FAM193A: variants seen among roughly 807,000 people sequenced by gnomAD.
FAM193A encodes the protein family with sequence similarity 193 member A, also known as protein FAM193A.
FAM193A carries 22 observed loss-of-function variants against 126.5 expected under a neutral mutation model. The ratio of observed to expected loss-of-function variants is 0.17; its 90% CI spans 0.12 to 0.25. The LOEUF (loss-of-function observed/expected upper bound fraction) is 0.25. FAM193A is among the 10% of genes least tolerant of loss of function. FAM193A has a pLI of 1.00. For synonymous variants in FAM193A, 761 were observed against 646.8 expected (o/e 1.18, Z -2.68); for missense variants, 1,675 against 1,672.8 (o/e 1.00, Z -0.02).
At chr4:2,662,088 CAG>C (rs1404046713) in intron 10 of FAM193A, among the ~76,000 whole-genome samples, 1 of 152,064 alleles carries the variant, frequency 6.6e-6, no homozygotes, top group African/African-American at 2.4e-5. Context: ...GAGGCTGAGG[CAG>C]GGGAATGGCG....
chr4:2,566,258 A>G (rs1413035355), intron 1 of FAM193A, among the ~76,000 whole-genome samples: 5 of 152,162 alleles, frequency 3.3e-5, no homozygotes, highest in Non-Finnish European at 1.5e-5. Context: ...CGTGTTAGCC[A>G]GCATGGTCTC....
intron 2 of FAM193A, among the ~76,000 whole-genome samples, chr4:2,620,184 A>C (rs759431127): frequency 8.5e-5 from 13 of 152,212 alleles, no homozygotes; most frequent in Non-Finnish European, 1.8e-4. Flanking sequence ...TGAGTGCTAT[A>C]ATGGGACACA....
intron 1 of FAM193A, among the ~76,000 whole-genome samples, chr4:2,543,780 C>T (rs1737375865): frequency 7.0e-6 from 1 of 143,508 alleles, no homozygotes; most frequent in Non-Finnish European, 1.5e-5. Context: ...ATCGCCTGAA[C>T]CCGGGGTGGG....
chr4:2,583,649 T>A (rs74710862), intron 1 of FAM193A, among the ~76,000 whole-genome samples: 1 of 152,172 alleles, frequency 6.6e-6, no homozygotes, highest in South Asian at 2.1e-4. Context: ...GTTTCTGCAG[T>A]TGCCAGAAAT....
chr4:2,545,878 G>T (rs935471935), intron 1 of FAM193A, among the ~76,000 whole-genome samples: 8 of 152,220 alleles, frequency 5.3e-5, no homozygotes, highest in Admixed American at 3.9e-4. Context: ...GGCCAGGTGC[G>T]GTGGCTCACG....
chr4:2,704,428 G>T (rs187893804), intron 19 of FAM193A, among the ~76,000 whole-genome samples: 1 of 151,970 alleles, frequency 6.6e-6, no homozygotes. Context: ...AGTCGGGTGT[G>T]GTGGCACTCA....
intron 19 of FAM193A, among the ~76,000 whole-genome samples, chr4:2,710,277 C>T (rs1263014011): frequency 6.9e-6 from 1 of 145,858 alleles, no homozygotes; most frequent in South Asian, 2.2e-4. Flanking sequence ...CGGGTTCAAG[C>T]TATTCTCCTG....
At chr4:2,698,835 T>C (rs1711515460) in intron 18 of FAM193A, among the ~76,000 whole-genome samples, 1 of 152,208 alleles carries the variant, frequency 6.6e-6, no homozygotes, top group Non-Finnish European at 1.5e-5. Context: ...TCCATCAAGT[T>C]GGACAGTGAG....
chr4:2,620,075 A>T (rs1742450330), intron 2 of FAM193A, among the ~76,000 whole-genome samples: 1 of 152,172 alleles, frequency 6.6e-6, no homozygotes, highest in Non-Finnish European at 1.5e-5. Context: ...GATGCTGGAC[A>T]TTGTGAATTT....
chr4:2,566,748 A>G (rs1237247403), intron 1 of FAM193A, among the ~76,000 whole-genome samples: 1 of 152,092 alleles, frequency 6.6e-6, no homozygotes, highest in Non-Finnish European at 1.5e-5. Context: ...ATTTGCTAAG[A>G]ATAATGTAAA....
At chr4:2,659,729 G>C in intron 9 of FAM193A, 59 bp downstream of exon 9, 1 of 1,612,254 alleles carries the variant, frequency 6.2e-7, no homozygotes, top group South Asian at 1.1e-5. Context: ...TGGGCTGAGT[G>C]GAGGCCTAGA....
chr4:2,715,611 G>A (rs541129972), intron 19 of FAM193A: 4 of 642,506 alleles, frequency 6.2e-6, no homozygotes, highest in East Asian at 2.4e-4. Context: ...CCCCTGGGCA[G>A]CTTCTGCTGG....
chr4:2,618,213 G>A (rs1387050957), intron 2 of FAM193A, among the ~76,000 whole-genome samples: 2 of 152,124 alleles, frequency 1.3e-5, no homozygotes, highest in African/African-American at 2.4e-5. Context: ...GGGCCTCAGC[G>A]TGCTTTGCTT....
chr4:2,537,435 C>T (rs1001791839), intron 1 of FAM193A, among the ~76,000 whole-genome samples: 4 of 152,144 alleles, frequency 2.6e-5, no homozygotes, highest in Non-Finnish European at 5.9e-5. Context: ...CCGGGGCCGC[C>T]GCTCACGGCG....
intron 5 of FAM193A, among the ~76,000 whole-genome samples, chr4:2,636,646 T>C (rs929839394): frequency 1.3e-5 from 2 of 152,238 alleles, no homozygotes; most frequent in African/African-American, 4.8e-5. Context: ...AAAAATGATA[T>C]TTGTTTATAT....
chr4:2,546,883 A>C (rs1737595747), intron 1 of FAM193A, among the ~76,000 whole-genome samples: 1 of 152,152 alleles, frequency 6.6e-6, no homozygotes, highest in Non-Finnish European at 1.5e-5. Context: ...AATGTCTGAG[A>C]GTTCTGGTTG....
intron 1 of FAM193A, among the ~76,000 whole-genome samples, chr4:2,559,637 A>G (rs1210598451): frequency 3.3e-5 from 5 of 152,068 alleles, no homozygotes; most frequent in African/African-American, 1.2e-4. Context: ...GCCGTAGTCT[A>G]CTGCATTTTC....
chr4:2,608,619 C>T (rs545650111), intron 2 of FAM193A, among the ~76,000 whole-genome samples: 126 of 152,250 alleles, frequency 8.3e-4, no homozygotes, highest in African/African-American at 2.7e-3. Context: ...TGGTGTGCCT[C>T]GGCACACTGT....
chr4:2,567,363 T>C (rs1739031802), intron 1 of FAM193A, among the ~76,000 whole-genome samples: 1 of 152,200 alleles, frequency 6.6e-6, no homozygotes, highest in Non-Finnish European at 1.5e-5. Flanking sequence ...GATATACTTC[T>C]ACTTCGCTAT....
Sources: gnomAD v4.1 joint callset for allele counts (sites outside exome capture counted in the v4.1 genomes callset) on GRCh38, gnomAD v4.1.1 for gene constraint, MANE v1.5 for transcripts, NCBI Gene and HGNC (gene_info 2026-07-23, HGNC 2026-07-21) for gene names.